The following NDUFAF6 variants were observed in gnomAD, a reference collection of about 807,000 sequenced individuals.
NDUFAF6 encodes NADH:ubiquinone oxidoreductase complex assembly factor 6.
A neutral mutation model predicts 40.8 loss-of-function variants in NDUFAF6; 45 were observed. The ratio of observed to expected loss-of-function variants is 1.10; its 90% CI spans 0.87 to 1.42. The LOEUF (loss-of-function observed/expected upper bound fraction) is 1.42. Ranked by LOEUF, NDUFAF6 falls within the 40% of genes most tolerant of loss-of-function variation. NDUFAF6 has a pLI of 0.00. For synonymous variants in NDUFAF6, 185 were observed against 155.9 expected (o/e 1.19, Z -1.39); for missense variants, 435 against 418.5 (o/e 1.04, Z -0.34).
chr8:94,917,667 G>A (rs1819229236), intron 1 of NDUFAF6, among the ~76,000 whole-genome samples: 1 of 152,134 alleles, frequency 6.6e-6, no homozygotes, highest in Non-Finnish European at 1.5e-5. Context: ...TACAGAAAAT[G>A]TCAAATAAAT....
intron 5 of NDUFAF6, 45 bp downstream of exon 5, chr8:95,045,692 C>T: frequency 6.8e-7 from 1 of 1,463,774 alleles, no homozygotes; most frequent in Non-Finnish European, 9.6e-7. Context: ...CAATAAAATA[C>T]CTATGAGATT....
At chr8:94,912,755 G>A (rs1586627409) in intron 1 of NDUFAF6, among the ~76,000 whole-genome samples, 1 of 151,116 alleles carries the variant, frequency 6.6e-6, no homozygotes, top group East Asian at 1.9e-4. Flanking sequence ...GGAGCTTGCA[G>A]TGAGCCGAGA....
intron 2 of NDUFAF6, among the ~76,000 whole-genome samples, chr8:94,949,619 G>T (rs931435015): frequency 4.6e-5 from 7 of 152,048 alleles, no homozygotes; most frequent in African/African-American, 1.7e-4. Context: ...AGAGGGGCTA[G>T]GCCGGGGAGG....
At chr8:94,966,918 A>G (rs897680288) in intron 1 of NDUFAF6, among the ~76,000 whole-genome samples, 3 of 152,146 alleles carry the variant, frequency 2.0e-5, no homozygotes, top group Non-Finnish European at 4.4e-5. Flanking sequence ...TTCTGCTTAC[A>G]TTGGCCAAAA....
intron 1 of NDUFAF6, chr8:94,940,811 G>A (rs1821457082): frequency 6.3e-7 from 1 of 1,575,424 alleles, no homozygotes. Flanking sequence ...GAACCACCAA[G>A]TAACCAAGTG....
intron 1 of NDUFAF6, among the ~76,000 whole-genome samples, chr8:94,903,040 T>C (rs1818130918): frequency 6.6e-6 from 1 of 152,086 alleles, no homozygotes; most frequent in African/African-American, 2.4e-5. Flanking sequence ...AAGAGTGGAA[T>C]TGTGAGGTCA....
At chr8:94,978,308 C>T (rs1825136618) in intron 1 of NDUFAF6, among the ~76,000 whole-genome samples, 2 of 152,168 alleles carry the variant, frequency 1.3e-5, no homozygotes, top group South Asian at 4.1e-4. Flanking sequence ...AACACATCTG[C>T]GTGTTAGAAG....
At chr8:95,041,441 T>C in intron 3 of NDUFAF6, 129 bp from the exon 4 acceptor site, 1 of 660,070 alleles carries the variant, frequency 1.5e-6, no homozygotes, top group Non-Finnish European at 2.7e-6. Context: ...TTAACATAGC[T>C]GTCTATATGG....
intron 2 of NDUFAF6, among the ~76,000 whole-genome samples, chr8:95,083,581 T>C (rs1445944218): frequency 2.6e-5 from 4 of 152,150 alleles, no homozygotes; most frequent in African/African-American, 7.2e-5. Flanking sequence ...TTTAAACGGA[T>C]AAAATAAGCA....
intron 1 of NDUFAF6, chr8:94,930,377 T>C: frequency 6.8e-7 from 1 of 1,480,654 alleles, no homozygotes; most frequent in Non-Finnish European, 9.2e-7. Flanking sequence ...TGTGATTGGT[T>C]ATCAATTGGT....
intron 2 of NDUFAF6, chr8:95,101,325 T>C (rs890261043): frequency 1.3e-5 from 2 of 152,152 alleles, no homozygotes; most frequent in African/African-American, 4.8e-5. Flanking sequence ...AGCATAATAG[T>C]AGAATCTTAG....
At chr8:94,909,485 G>T (rs1000938798) in intron 1 of NDUFAF6, among the ~76,000 whole-genome samples, 9 of 151,502 alleles carry the variant, frequency 5.9e-5, no homozygotes, top group African/African-American at 2.2e-4. Flanking sequence ...AATTAGCCGG[G>T]TGTGGTAGTG....
chr8:95,102,877 T>C (rs1167538265), intron 2 of NDUFAF6: 2 of 152,194 alleles, frequency 1.3e-5, no homozygotes, highest in Non-Finnish European at 2.9e-5. Flanking sequence ...GGGGCCCAGC[T>C]AGATTTTTGC....
chr8:94,949,180 C>T, intron 2 of NDUFAF6: 1 of 150,558 alleles, frequency 6.6e-6, no homozygotes, highest in Non-Finnish European at 1.5e-5. Flanking sequence ...CGGGGCTGCG[C>T]GGGGAAGGGA....
chr8:95,036,173 T>C (rs1829479351), intron 3 of NDUFAF6: 2 of 621,102 alleles, frequency 3.2e-6, no homozygotes, highest in African/African-American at 1.9e-5. Flanking sequence ...AATGGTTTTA[T>C]AGTAAAGCAG....
intron 1 of NDUFAF6, chr8:94,925,908 T>A (rs1172094531): frequency 4.6e-5 from 7 of 152,420 alleles, no homozygotes; most frequent in Non-Finnish European, 1.0e-4. Context: ...ACAAAAAAAC[T>A]AAACAGTAAG....
At chr8:95,056,327 C>T (rs1832134855) in intron 8 of NDUFAF6, among the ~76,000 whole-genome samples, 1 of 151,876 alleles carries the variant, frequency 6.6e-6, no homozygotes. Flanking sequence ...CCTCCCACCT[C>T]AGCCTCCCAA....
At chr8:94,982,313 A>G (rs1000205349) in intron 2 of NDUFAF6, among the ~76,000 whole-genome samples, 1 of 152,202 alleles carries the variant, frequency 6.6e-6, no homozygotes, top group African/African-American at 2.4e-5. Flanking sequence ...TGCCTACAAT[A>G]TTCAGTACAG....
chr8:94,958,248 T>C (rs1025112934), intron 1 of NDUFAF6: 1 of 152,216 alleles, frequency 6.6e-6, no homozygotes, highest in Admixed American at 6.5e-5. Context: ...GAACTGCAGA[T>C]TGGGCATCTT....
Sources: gnomAD v4.1 joint callset for allele counts (sites outside exome capture counted in the v4.1 genomes callset) on GRCh38, gnomAD v4.1.1 for gene constraint, MANE v1.5 for transcripts, NCBI Gene and HGNC (gene_info 2026-07-23, HGNC 2026-07-21) for gene names.